Variants in ARHGEF6 observed in about 807,000 individuals in gnomAD.
ARHGEF6 encodes the protein rho guanine nucleotide exchange factor 6.
A neutral mutation model predicts 70.3 loss-of-function variants in ARHGEF6; 9 were observed. The ratio of observed to expected loss-of-function variants is 0.13; its 90% confidence interval spans 0.08 to 0.22. ARHGEF6 has a LOEUF of 0.22. Ranked by LOEUF, ARHGEF6 falls within the 10% of genes least tolerant of loss-of-function variation. ARHGEF6 has a pLI of 1.00. For missense variants in ARHGEF6, 470 were observed against 563.0 expected (o/e 0.83, Z 1.67); for synonymous variants, 201 against 207.8 (o/e 0.97, Z 0.28).
intron 6 of ARHGEF6, among the ~76,000 whole-genome samples, chrX:136,723,301 C>T (rs2076818698): frequency 8.9e-6 from 1 of 112,099 alleles, no homozygotes; most frequent in African/African-American, 3.2e-5. Context: ...GAATTTTATG[C>T]TATGTGAATT....
intron 2 of ARHGEF6, among the ~76,000 whole-genome samples, chrX:136,748,155 T>C (rs2077115009): frequency 8.9e-6 from 1 of 111,785 alleles, no homozygotes. Context: ...TGCCCAAACT[T>C]TCTGCCCAGG....
chrX:136,773,754 T>C (rs761593048), intron 2 of ARHGEF6, among the ~76,000 whole-genome samples: 1 of 111,760 alleles, frequency 8.9e-6, no homozygotes, highest in East Asian at 2.8e-4. Flanking sequence ...AAAAGGAGCA[T>C]AGAGAGGTCA....
intron 2 of ARHGEF6, among the ~76,000 whole-genome samples, chrX:136,750,804 CTTT>C (rs11352668): frequency 4.2e-5 from 4 of 96,241 alleles, no homozygotes; most frequent in African/African-American, 3.9e-5. Context: ...TGAAATCAAA[CTTT>C]TTTTTTTTTT....
chrX:136,734,086 A>G (rs746489831), intron 5 of ARHGEF6, among the ~76,000 whole-genome samples: 1 of 112,388 alleles, frequency 8.9e-6, no homozygotes, highest in East Asian at 2.8e-4. Flanking sequence ...GGCAATGCTC[A>G]AGGCAGAACT....
Position 136,672,064 on chromosome X carries a change from G to A in ARHGEF6, c.2091C>T (p.Ile697=), listed in dbSNP as rs767725798. ...QVLLPEEEKL[I]IEETRSNGQT... Reference sequence around the variant, plus strand: ...GGCCGTTGCTTCTGGTTTCTTCAATGATGAGTTTCTCTTCCTCAGGGAGTA... The same window carrying A: ...GGCCGTTGCTTCTGGTTTCTTCAATAATGAGTTTCTCTTCCTCAGGGAGTA... The change falls in exon 20 of 22, where the codon ATC becomes ATT. Residue 697 remains isoleucine (I), a synonymous_variant. Coordinates refer to ENST00000250617, the MANE Select transcript of ARHGEF6 (RefSeq NM_004840.3). The A allele has an allele frequency of 3.3e-6, 4 of 1,209,381 alleles. No homozygotes were observed. In the African/African-American group the frequency reaches 7.0e-5, roughly 21 times the overall value.
chrX:136,742,047 G>C (rs766906364), intron 5 of ARHGEF6, among the ~76,000 whole-genome samples: 1 of 112,006 alleles, frequency 8.9e-6, no homozygotes, highest in African/African-American at 3.2e-5. Context: ...GTAGCCAGGC[G>C]CAGTGGCTCA....
intron 7 of ARHGEF6, among the ~76,000 whole-genome samples, chrX:136,709,450 C>A (rs1302275813): frequency 8.9e-6 from 1 of 112,544 alleles, no homozygotes; most frequent in Admixed American, 9.4e-5. Flanking sequence ...ACAATTAAAA[C>A]CTTATTTTAA....
intron 6 of ARHGEF6, among the ~76,000 whole-genome samples, chrX:136,727,632 C>G (rs1208554860): frequency 2.8e-5 from 3 of 107,942 alleles, no homozygotes; most frequent in Non-Finnish European, 5.7e-5. Flanking sequence ...CTCCCAGGTT[C>G]AAGCAATTCT....
At chrX:136,749,273 A>G (rs2077127429) in intron 2 of ARHGEF6, among the ~76,000 whole-genome samples, 1 of 111,548 alleles carries the variant, frequency 9.0e-6, no homozygotes. Flanking sequence ...TTTCAGACTT[A>G]TTGAGTCTCC....
chrX:136,738,307 A>G (rs2077008042), intron 5 of ARHGEF6, among the ~76,000 whole-genome samples: 1 of 111,479 alleles, frequency 9.0e-6, no homozygotes, highest in South Asian at 3.8e-4. Context: ...ACTCAAGTAC[A>G]AAACAGTTCA....
In ARHGEF6 at chrX:136,684,104, T is replaced by G. The variant is rs752972703; in HGVS notation, c.1393-1260A>C. 7.1e-5 allele frequency among the ~76,000 whole-genome samples: 8 copies of G among 112,406 alleles called. No homozygotes were observed. In the Admixed American group the frequency reaches 7.5e-4, roughly 11 times the overall value. ...CTTGGAAAGTCATCAGTAACTGCCTTCTAGCAAAATCCAATGGCTTCCTCT... is the reference window on the plus strand; with the variant it reads ...CTTGGAAAGTCATCAGTAACTGCCTGCTAGCAAAATCCAATGGCTTCCTCT... On this transcript the variant is annotated intron_variant, in intron 12 of 21. Coordinates refer to ENST00000250617, the MANE Select transcript of ARHGEF6 (RefSeq NM_004840.3).
Position 136,665,951 on chromosome X carries a change from T to A in ARHGEF6, c.*2078A>T, listed in dbSNP as rs2148556740. ...ATATTTTCAGCAATCAACTAAAGTATTCCGTAATCACAAAAATGTTTCCTA... is the reference window on the plus strand; with the variant it reads ...ATATTTTCAGCAATCAACTAAAGTAATCCGTAATCACAAAAATGTTTCCTA... On this transcript the variant is annotated 3_prime_UTR_variant, in exon 22 of 22. Coordinates refer to ENST00000250617, the MANE Select transcript of ARHGEF6 (RefSeq NM_004840.3). 8.9e-6 allele frequency: 1 copy of A among 112,730 alleles called. No individual in the cohort carries two copies. The highest frequency in any genetic ancestry group is 2.8e-4 in the East Asian group (1 of 3,598). 9.3% of individuals were successfully genotyped at this position (112,730 alleles called of 1,213,427 possible).
At chrX:136,733,598 T>C (rs1277362653) in intron 5 of ARHGEF6, among the ~76,000 whole-genome samples, 1 of 112,225 alleles carries the variant, frequency 8.9e-6, no homozygotes, top group Non-Finnish European at 1.9e-5. Context: ...TATTTTCCCA[T>C]TTAACCTTGA....
intron 12 of ARHGEF6, among the ~76,000 whole-genome samples, chrX:136,684,430 G>A (rs779504196): frequency 5.7e-4 from 64 of 112,040 alleles, no homozygotes; most frequent in African/African-American, 1.9e-3. Context: ...GTGTCAGAGA[G>A]CGTAGGAAGA....
chrX:136,757,643 G>A (rs1328126642), intron 2 of ARHGEF6, among the ~76,000 whole-genome samples: 1 of 111,429 alleles, frequency 9.0e-6, no homozygotes, highest in East Asian at 2.8e-4. Context: ...CAAACACTAC[G>A]CCTCAGTACA....
intron 17 of ARHGEF6, among the ~76,000 whole-genome samples, chrX:136,677,115 T>C (rs1238948700): frequency 1.8e-5 from 2 of 112,551 alleles, no homozygotes; most frequent in African/African-American, 6.5e-5. Context: ...ATAACCACTG[T>C]AACCACTAAT....
chrX:136,670,641 C>T (rs774529181), intron 20 of ARHGEF6, among the ~76,000 whole-genome samples: 1 of 110,939 alleles, frequency 9.0e-6, no homozygotes, highest in South Asian at 3.8e-4. Flanking sequence ...TTTCAATTCC[C>T]GTCATAAGGT....
In ARHGEF6 at chrX:136,714,255, C is replaced by T. The variant is rs185133918; in HGVS notation, c.733-885G>A. On this transcript the variant is annotated intron_variant, in intron 6 of 21. Coordinates refer to ENST00000250617, the MANE Select transcript of ARHGEF6 (RefSeq NM_004840.3). ...GTCATGTCACAACCCATTTCCAAGC[C>T]TCTTCTAGTGACAGGTAAAACCTTC... Among the ~76,000 whole-genome samples the T allele has an allele frequency of 2.7e-5, 3 of 111,731 alleles. No homozygotes were observed. In the East Asian group the frequency reaches 8.4e-4, roughly 31 times the overall value.
At chrX:136,712,386 T>C (rs1348416032) in intron 7 of ARHGEF6, among the ~76,000 whole-genome samples, 1 of 112,656 alleles carries the variant, frequency 8.9e-6, no homozygotes, top group African/African-American at 3.2e-5. Flanking sequence ...GTGCTGGGAT[T>C]ACAGGCTTTT....
Sources: allele counts gnomAD v4.1 joint callset (sites outside exome capture counted in the v4.1 genomes callset), GRCh38; gene constraint gnomAD v4.1.1; transcripts MANE v1.5; gene names NCBI Gene and HGNC (gene_info 2026-07-23, HGNC 2026-07-21).